ENOX1: variants seen among roughly 807,000 people sequenced by gnomAD.
ENOX1 encodes candidate growth-related and time keeping constitutive hydroquinone (NADH) oxidase.
A neutral mutation model predicts 82.5 loss-of-function variants in ENOX1; 42 were observed. The observed-to-expected ratio is 0.51, with a 90% CI of 0.40 to 0.66. The LOEUF is 0.66. Ranked by LOEUF, ENOX1 falls within the 30% of genes least tolerant of loss-of-function variation. ENOX1 has a pLI of 0.00. For missense variants in ENOX1, 608 were observed against 811.6 expected (o/e 0.75, Z 3.05); for synonymous variants, 271 against 282.2 (o/e 0.96, Z 0.40).
chr13:43,264,511 A>AT (rs1025524258), intron 14 of ENOX1, among the ~76,000 whole-genome samples: 14 of 152,304 alleles, frequency 9.2e-5, no homozygotes, highest in African/African-American at 2.6e-4. Flanking sequence ...ATTAAGTGGG[A>AT]TTTTTTTGAT....
intron 14 of ENOX1, among the ~76,000 whole-genome samples, chr13:43,242,202 T>C (rs1450846676): frequency 6.6e-6 from 1 of 152,240 alleles, no homozygotes. Context: ...CCATGTGATA[T>C]TTGACACCCT....
At chr13:43,761,795 C>T (rs1950992805) in intron 1 of ENOX1, among the ~76,000 whole-genome samples, 4 of 152,170 alleles carry the variant, frequency 2.6e-5, no homozygotes, top group South Asian at 2.1e-4. Context: ...ATATTACAAA[C>T]TTTTACAGGA....
At chr13:43,677,045 G>C (rs2085544304) in intron 1 of ENOX1, among the ~76,000 whole-genome samples, 1 of 151,374 alleles carries the variant, frequency 6.6e-6, no homozygotes, top group Non-Finnish European at 1.5e-5. Context: ...CCTTCAACAA[G>C]GCCTTATCTC....
At chr13:43,441,895 T>C (rs901958691) in intron 3 of ENOX1, among the ~76,000 whole-genome samples, 59 of 151,990 alleles carry the variant, frequency 3.9e-4, no homozygotes, top group Non-Finnish European at 7.4e-5. Context: ...GAAGGAGGGA[T>C]GTTGGTGTTT....
At chr13:43,537,912 C>T (rs2078535648) in intron 2 of ENOX1, among the ~76,000 whole-genome samples, 1 of 152,228 alleles carries the variant, frequency 6.6e-6, no homozygotes, top group African/African-American at 2.4e-5. Context: ...AGGAACACTC[C>T]TCAAACATAC....
intron 2 of ENOX1, among the ~76,000 whole-genome samples, chr13:43,535,169 G>C (rs1363159961): frequency 6.6e-6 from 1 of 152,144 alleles, no homozygotes; most frequent in Non-Finnish European, 1.5e-5. Flanking sequence ...AGTGAGTAGA[G>C]GTTAGCTGCT....
rs12427686 is a variant in ENOX1, at chr13:43,262,291, A to G, written c.1611+3107T>C. Among the ~76,000 whole-genome samples the G allele has an allele frequency of 4.8e-3, 725 of 152,318 alleles. 14 individuals carry two copies. The East Asian group carries it at 0.058, about 12-fold the overall frequency. On this transcript the variant is annotated intron_variant, in intron 14 of 16. Transcript: ENST00000690772. ...GCTTTTTACTTTTATAATAAAACAT[A>G]GTGGTTTTAAAAACACAATTGTCAG...
chr13:43,529,640 C>T (rs772803031), intron 2 of ENOX1, among the ~76,000 whole-genome samples: 12 of 151,972 alleles, frequency 7.9e-5, no homozygotes, highest in Non-Finnish European at 1.5e-4. Flanking sequence ...TGTGTGTGGA[C>T]GACATGTACA....
chr13:43,405,380 A>G (rs1166318030), intron 5 of ENOX1, among the ~76,000 whole-genome samples: 1 of 151,984 alleles, frequency 6.6e-6, no homozygotes, highest in Non-Finnish European at 1.5e-5. Context: ...AACCATCCCT[A>G]TGTTGTGGCC....
intron 15 of ENOX1, among the ~76,000 whole-genome samples, chr13:43,234,271 G>A (rs1358873251): frequency 1.3e-5 from 2 of 152,092 alleles, no homozygotes; most frequent in East Asian, 3.8e-4. Context: ...CTCTTTTGGA[G>A]GATTATACAA....
intron 2 of ENOX1, among the ~76,000 whole-genome samples, chr13:43,622,569 G>A (rs1049200703): frequency 2.6e-5 from 4 of 152,176 alleles, no homozygotes; most frequent in African/African-American, 7.2e-5. Context: ...GGTAATGGGG[G>A]TTGTCTGCAC....
intron 3 of ENOX1, among the ~76,000 whole-genome samples, chr13:43,454,095 A>G (rs2057106582): frequency 2.0e-5 from 3 of 152,064 alleles, no homozygotes; most frequent in African/African-American, 7.2e-5. Flanking sequence ...TATAATTTCT[A>G]CTTCTTATTC....
intron 2 of ENOX1, among the ~76,000 whole-genome samples, chr13:43,554,150 C>CA (rs1566514820): frequency 6.6e-6 from 1 of 151,996 alleles, no homozygotes. Context: ...TTGTTACTTC[C>CA]AAAAAAATTC....
chr13:43,429,953 C>A (rs2055559764), intron 3 of ENOX1, among the ~76,000 whole-genome samples: 1 of 152,212 alleles, frequency 6.6e-6, no homozygotes, highest in Admixed American at 6.5e-5. Context: ...CATGTGATCA[C>A]AGTTTTGTTA....
chr13:43,652,051 A>G (rs2084215011), intron 2 of ENOX1, among the ~76,000 whole-genome samples: 1 of 151,990 alleles, frequency 6.6e-6, no homozygotes, highest in South Asian at 2.1e-4. Flanking sequence ...GGCCTCTATA[A>G]GCCTATAAAG....
chr13:43,434,937 G>GTTTTTTTTTTTTTTT (rs537775258), intron 3 of ENOX1, among the ~76,000 whole-genome samples: 34 of 75,880 alleles, frequency 4.5e-4, no homozygotes, highest in East Asian at 1.0e-3. Context: ...TGTGTGTGTG[G>GTTTTTTTTTTTTTTT]TTTTTTTTTT....
chr13:43,572,282 C>A (rs2080218742), intron 2 of ENOX1, among the ~76,000 whole-genome samples: 1 of 152,076 alleles, frequency 6.6e-6, no homozygotes, highest in Non-Finnish European at 1.5e-5. Flanking sequence ...AATGAATAGG[C>A]CACAAAATGC....
intron 1 of ENOX1, among the ~76,000 whole-genome samples, chr13:43,754,135 TATATACAC>T (rs1412864832): frequency 8.9e-6 from 1 of 112,250 alleles, no homozygotes; most frequent in Non-Finnish European, 2.0e-5. Context: ...CGTATATACG[TATATACAC>T]ATATATACAT....
intron 5 of ENOX1, among the ~76,000 whole-genome samples, chr13:43,409,044 A>AC (rs1470529829): frequency 1.3e-5 from 2 of 150,980 alleles, no homozygotes; most frequent in African/African-American, 2.4e-5. Flanking sequence ...ATAAACCAAA[A>AC]AAAAAAAAAA....
Sources: gnomAD v4.1 joint callset for allele counts (sites outside exome capture counted in the v4.1 genomes callset) on GRCh38, gnomAD v4.1.1 for gene constraint, MANE v1.5 for transcripts, NCBI Gene and HGNC (gene_info 2026-07-23, HGNC 2026-07-21) for gene names.